Variants in ABCC12 observed in about 807,000 individuals in gnomAD.
ABCC12 encodes the protein ATP-binding cassette sub-family C member 12.
In ABCC12, 142 loss-of-function variants were observed where a neutral mutation model predicts 151.1. The observed-to-expected ratio is 0.94, with a 90% CI of 0.82 to 1.08. The LOEUF (loss-of-function observed/expected upper bound fraction) is 1.08. Among genes scored for constraint, ABCC12 ranks in the 50% least tolerant of loss-of-function variants. The pLI, the probability that ABCC12 is intolerant of heterozygous loss-of-function variation, is 0.00. For synonymous variants in ABCC12, 645 were observed against 646.4 expected (o/e 1.00, Z 0.03); for missense variants, 1,638 against 1,691.1 (o/e 0.97, Z 0.55).
chr16:48,137,101 G>T (rs1338575197), intron 8 of ABCC12, among the ~76,000 whole-genome samples: 1 of 152,016 alleles, frequency 6.6e-6, no homozygotes, highest in East Asian at 1.9e-4. Flanking sequence ...CAGGAGGGAG[G>T]GGGAAGGCAG....
At chr16:48,087,275 T>G (rs1962657381) in intron 27 of ABCC12, 1 of 162,356 alleles carries the variant, frequency 6.2e-6, no homozygotes, top group Non-Finnish European at 1.4e-5. Context: ...ATCTACTGTT[T>G]CAAGAGGCAG....
chr16:48,115,599 T>C lies in ABCC12; in HGVS notation c.1805A>G (p.Asn602Ser), dbSNP rs751607644. The change falls in exon 15 of 31, where the codon AAC (asparagine) becomes AGC (serine). Residue 602 changes from asparagine to serine, a missense_variant. Coordinates refer to ENST00000311303, the MANE Select transcript of ABCC12 (RefSeq NM_001393797.1). ...DLTEIGERGL[N>S]LSGGQRQRIS... ...CCTCTGCCTCTGCCCCCCAGAGAGG[T>C]TGAGGCCCCGCTCCCCAATCTGTGG... 4.3e-6 allele frequency: 7 copies of C among 1,613,512 alleles called. No homozygotes were observed. Among genetic ancestry groups the C allele is most frequent in the East Asian group, 4.5e-5 (2 of 44,866 alleles).
chr16:48,095,294 A>T (rs923200684), intron 24 of ABCC12, among the ~76,000 whole-genome samples: 12 of 152,142 alleles, frequency 7.9e-5, no homozygotes, highest in African/African-American at 2.2e-4. Flanking sequence ...TCTGCCACCA[A>T]GTAAGACGTG....
At chr16:48,090,975 T>G in intron 25 of ABCC12, 145 bp downstream of exon 25, 1 of 743,270 alleles carries the variant, frequency 1.3e-6, no homozygotes. Flanking sequence ...CCTCCCAAAG[T>G]GCTGGGATTA....
Position 48,081,537 on chromosome 16 carries a change from CCCTT to C in ABCC12, c.*2174_*2177del, listed in dbSNP as rs1377004962. Among the ~76,000 whole-genome samples the C allele has an allele frequency of 6.6e-6, 1 of 152,138 alleles. No homozygotes were observed. The highest frequency in any genetic ancestry group is 1.5e-5 in the Non-Finnish European group (1 of 68,044). On this transcript the variant is annotated 3_prime_UTR_variant, in exon 31 of 31. Coordinates refer to ENST00000311303, the MANE Select transcript of ABCC12 (RefSeq NM_001393797.1). ...GTTAGGGTTCAAGCCCTATCTCTGT[CCCTT>C]CCTTCCTGGGCATCTGTAGATAAGT...
rs565070967 is a variant in ABCC12 at position 48,082,241 on chromosome 16, G to A, written c.*1474C>T. 1.3e-5 allele frequency among the ~76,000 whole-genome samples: 2 copies of A among 152,328 alleles called. No individual in the cohort carries two copies. The highest frequency in any genetic ancestry group is 1.3e-4 in the Admixed American group (2 of 15,308). The stretch of plus-strand genomic sequence containing the variant: ...CAGGATCCATTGCTGCCAAGCTGCT[G>A]GGCCAGGGCTTTCATGCAGTTGCCA... On this transcript the variant is annotated 3_prime_UTR_variant, in exon 31 of 31. Transcript: ENST00000311303.
chr16:48,139,838 T>C (rs1407997831), intron 6 of ABCC12, among the ~76,000 whole-genome samples: 1 of 152,228 alleles, frequency 6.6e-6, no homozygotes, highest in Non-Finnish European at 1.5e-5. Flanking sequence ...CCCCTTCTTC[T>C]GTTCCTCTTT....
rs1000639351 is a variant in ABCC12 at position 48,133,852 on chromosome 16, A to G, written c.980-17T>C. On this transcript the variant is annotated splice_polypyrimidine_tract_variant and intron_variant, in intron 8 of 30. Coordinates refer to ENST00000311303, the MANE Select transcript of ABCC12 (RefSeq NM_001393797.1). ...TTCTTATATCTGCAAAATAGAACAC[A>G]GTCCAAGGTGGTCTCATTTTGCATG... 6.8e-6 allele frequency: 11 copies of G among 1,613,750 alleles called. No individual in the cohort carries two copies. Among genetic ancestry groups the G allele is most frequent in the Non-Finnish European group, 9.3e-6 (11 of 1,179,822 alleles).
In ABCC12 at chr16:48,085,479, G is replaced by A; in HGVS notation, c.3828+114C>T. The A allele has an allele frequency of 3.4e-6, 3 of 875,028 alleles. No individual in the cohort carries two copies. The South Asian group carries it at 4.7e-5, about 14-fold the overall frequency. 54.2% of individuals were successfully genotyped at this position (875,028 alleles called of 1,614,324 possible). ...AAGAAAAAGTGATCGGTTTTTAAAT[G>A]GCTCAATTGCTGTCTCTTTGCTGAA... is the stretch of plus-strand genomic sequence containing the variant. On this transcript the variant is annotated intron_variant, in intron 29 of 30. Coordinates refer to ENST00000311303, the MANE Select transcript of ABCC12 (RefSeq NM_001393797.1).
chr16:48,113,003 C>T (rs373442823), intron 15 of ABCC12, among the ~76,000 whole-genome samples: 1 of 152,122 alleles, frequency 6.6e-6, no homozygotes, highest in Admixed American at 6.5e-5. Context: ...AGCTCTCCCC[C>T]CAGGATCAAG....
chr16:48,115,723 A>G, intron 14 of ABCC12, 105 bp from the exon 15 acceptor site: 1 of 1,188,392 alleles, frequency 8.4e-7, no homozygotes, highest in Non-Finnish European at 1.2e-6. Flanking sequence ...AGACGTACAC[A>G]CTGATCCTCG....
chr16:48,081,949 AG>A lies in ABCC12; in HGVS notation c.*1765del, dbSNP rs1962360284. On this transcript the variant is annotated 3_prime_UTR_variant, in exon 31 of 31. Coordinates refer to ENST00000311303, the MANE Select transcript of ABCC12 (RefSeq NM_001393797.1). ...TTCCCATGGCCAGCACAGACTGCCC[AG>A]TCTGCTTGTCATATTGGGGAAGTTA... Among the ~76,000 whole-genome samples, 1 of 152,156 alleles carries A rather than the reference AG, an allele frequency of 6.6e-6. No homozygotes were observed.
chr16:48,108,025 A>G (rs1257979982), intron 19 of ABCC12, among the ~76,000 whole-genome samples: 1 of 152,130 alleles, frequency 6.6e-6, no homozygotes, highest in African/African-American at 2.4e-5. Flanking sequence ...AAAAGGAAAG[A>G]AAGAAAGAAA....
chr16:48,131,893 A>G (rs926836649), intron 9 of ABCC12, among the ~76,000 whole-genome samples: 3 of 152,172 alleles, frequency 2.0e-5, no homozygotes, highest in Non-Finnish European at 4.4e-5. Flanking sequence ...CCAGGTCCCA[A>G]AGCACCACCT....
intron 15 of ABCC12, among the ~76,000 whole-genome samples, chr16:48,114,085 C>T (rs1963792560): frequency 6.6e-6 from 1 of 152,206 alleles, no homozygotes; most frequent in African/African-American, 2.4e-5. Flanking sequence ...AGAAGAAGAA[C>T]TAGGCCAGAA....
chr16:48,088,468 G>A, intron 26 of ABCC12, 77 bp downstream of exon 26: 2 of 1,491,232 alleles, frequency 1.3e-6, no homozygotes, highest in South Asian at 2.6e-5. Flanking sequence ...TCACTCTCTG[G>A]TGTGACTTAA....
At chr16:48,151,410 A>G (rs1050152976) in intron 2 of ABCC12, among the ~76,000 whole-genome samples, 1 of 152,246 alleles carries the variant, frequency 6.6e-6, no homozygotes, top group Non-Finnish European at 1.5e-5. Flanking sequence ...AGACCTGACA[A>G]CTACCTGTGA....
intron 20 of ABCC12, among the ~76,000 whole-genome samples, chr16:48,106,901 T>G (rs1278846515): frequency 2.0e-5 from 3 of 152,124 alleles, no homozygotes; most frequent in Non-Finnish European, 4.4e-5. Flanking sequence ...CAGAGACAAC[T>G]TTGGGGAGCA....
chr16:48,086,506 T>A, intron 28 of ABCC12: 1 of 472,514 alleles, frequency 2.1e-6, no homozygotes, highest in Non-Finnish European at 3.8e-6. Context: ...AGCATTGTAG[T>A]AAGGACCAAG....
Sources: gnomAD v4.1 joint callset for allele counts (sites outside exome capture counted in the v4.1 genomes callset) on GRCh38, gnomAD v4.1.1 for gene constraint, MANE v1.5 for transcripts, NCBI Gene and HGNC (gene_info 2026-07-23, HGNC 2026-07-21) for gene names.